The following CEP78 variants were observed in gnomAD, a reference collection of about 807,000 sequenced individuals.
CEP78 encodes the protein centrosomal protein 78.
CEP78 carries 76 observed loss-of-function variants against 81.2 expected under a neutral mutation model. The observed-to-expected ratio is 0.94, with a 90% CI of 0.78 to 1.13. The LOEUF is 1.13. Among genes scored for constraint, CEP78 ranks in the 50% most tolerant of loss-of-function variants. The pLI is 0.00. For missense variants in CEP78, 918 were observed against 846.8 expected (o/e 1.08, Z -1.04); for synonymous variants, 293 against 301.4 (o/e 0.97, Z 0.29).
rs1204474199 is a variant in CEP78, at chr9:78,276,713, A to G, written c.*5862A>G. ...AATATTATCTAGAAATAAGATTAAC[A>G]AGAGAAATGTAAGGCCTATATAAAT... On this transcript the variant is annotated 3_prime_UTR_variant, in exon 17 of 17. Coordinates refer to ENST00000643273, the MANE Select transcript of CEP78 (RefSeq NM_001330691.3). 1 of 152,024 alleles carries G rather than the reference A, an allele frequency of 6.6e-6. No individual in the cohort carries two copies. The highest frequency in any genetic ancestry group is 1.5e-5 in the Non-Finnish European group (1 of 67,996). The allele number at this position is 152,024 out of a possible 1,614,324, so 9.4% of individuals were successfully genotyped here.
chr9:78,253,422 C>T (rs746411038), intron 10 of CEP78, 145 bp downstream of exon 10: 7 of 620,698 alleles, frequency 1.1e-5, no homozygotes, highest in Middle Eastern at 2.7e-4. Context: ...TGGGTTCTCC[C>T]GGTGCCACAG....
intron 10 of CEP78, 112 bp downstream of exon 10, chr9:78,253,389 A>G (rs1244254012): frequency 2.9e-6 from 2 of 682,172 alleles, no homozygotes; most frequent in East Asian, 5.5e-5. Flanking sequence ...TCCCTCCCTG[A>G]AGTAAATTCT....
In CEP78 at chr9:78,274,622, T is replaced by C. The variant is rs1827764250; in HGVS notation, c.*3771T>C. The C allele has an allele frequency of 6.6e-6, 1 of 152,162 alleles. No individual in the cohort carries two copies. The highest frequency in any genetic ancestry group is 1.5e-5 in the Non-Finnish European group (1 of 68,026). The allele number at this position is 152,162 out of a possible 1,614,324, so 9.4% of individuals were successfully genotyped here. A position where few individuals can be genotyped will look rare whatever the true frequency, so the allele number is the denominator to read the frequency against. On this transcript the variant is annotated 3_prime_UTR_variant, in exon 17 of 17. Coordinates refer to ENST00000643273, the MANE Select transcript of CEP78 (RefSeq NM_001330691.3). ...TCCTGGAAAACCAATAGAACATTCA[T>C]ATAAATGATTCCTATGAAGGTAAAA...
chr9:78,264,829 G>T (rs1420082287), intron 13 of CEP78, among the ~76,000 whole-genome samples: 3 of 152,140 alleles, frequency 2.0e-5, no homozygotes, highest in Non-Finnish European at 4.4e-5. Context: ...TATTAAAATT[G>T]TTATTAATCT....
chr9:78,250,150 G>T (rs901294246), intron 8 of CEP78: 2 of 396,956 alleles, frequency 5.0e-6, no homozygotes, highest in Non-Finnish European at 8.9e-6. Flanking sequence ...TTCTTAGCAT[G>T]ATTAAAGAAA....
Position 78,236,416 on chromosome 9 carries a change from G to A in CEP78, c.66G>A (p.Leu22=). 6.2e-7 allele frequency: 1 copy of A among 1,600,120 alleles called. No individual in the cohort carries two copies. Among genetic ancestry groups the A allele is most frequent in the Non-Finnish European group, 8.5e-7 (1 of 1,173,854 alleles). The stretch of plus-strand genomic sequence containing the variant: ...ACTTCTTCTCCCACTACGAGTACCT[G>A]TGCGCGCTGCAGAACTCGGTGCCGC... ...AADFFSHYEY[L]CALQNSVPLP... The change falls in exon 1 of 17, where the codon CTG becomes CTA. Residue 22 remains leucine, a synonymous_variant. Transcript: ENST00000643273.
At chr9:78,243,681 AT>A in intron 5 of CEP78, 45 bp downstream of exon 5, 1 of 1,516,882 alleles carries the variant, frequency 6.6e-7, no homozygotes, top group Non-Finnish European at 9.1e-7. Flanking sequence ...GAATTTTTTG[AT>A]ATTAAATATG....
At position 78,243,665 on chromosome 9, in the gene CEP78, A is replaced by G. The variant is rs778124118; in HGVS notation, c.778+29A>G. ...AGTTAAATGAACTTGTAAGGTGGAA[A>G]ATATTGAATTTTTTGATATTAAATA... On this transcript the variant is annotated intron_variant, in intron 5 of 16. Coordinates refer to ENST00000643273, the MANE Select transcript of CEP78 (RefSeq NM_001330691.3). The G allele has an allele frequency of 6.9e-6, 11 of 1,588,850 alleles. No homozygotes were observed. The Admixed American group carries it at 1.8e-4, about 25-fold the overall frequency.
At chr9:78,238,158 A>G (rs986983387) in intron 1 of CEP78, among the ~76,000 whole-genome samples, 1 of 151,468 alleles carries the variant, frequency 6.6e-6, no homozygotes, top group Non-Finnish European at 1.5e-5. Flanking sequence ...AGGATTTCAG[A>G]TATCTAAGAG....
In CEP78 at chr9:78,248,836, AG is replaced by A; in HGVS notation, c.1034del (p.Gly345GlufsTer20). ...AKQKRRTIILGSGHKGKATIR... is the reference protein window; with the variant it reads ...AKQKRRTIILXSGHKGKATIR... Reference sequence around the variant, plus strand: ...AACAGAAAAGGAGAACTATAATTCTAGGAAGTGGTCACAAAGGAAAAGCTAC... The same window carrying A: ...AACAGAAAAGGAGAACTATAATTCTAGAAGTGGTCACAAAGGAAAAGCTAC... On this transcript the variant is annotated frameshift_variant, in exon 8 of 17. Coordinates refer to ENST00000643273, the MANE Select transcript of CEP78 (RefSeq NM_001330691.3). LOFTEE classifies it high-confidence loss of function. The A allele has an allele frequency of 1.3e-6, 2 of 1,595,808 alleles. No individual in the cohort carries two copies. Among genetic ancestry groups the A allele is most frequent in the Non-Finnish European group, 1.7e-6 (2 of 1,171,686 alleles).
At chr9:78,246,321 C>T (rs34431251) in intron 5 of CEP78, among the ~76,000 whole-genome samples, 85 of 152,042 alleles carry the variant, frequency 5.6e-4, no homozygotes, top group Admixed American at 1.6e-3. Context: ...TAGAATTGGC[C>T]GGGCGAGGTG....
chr9:78,237,880 G>C (rs111345033), intron 1 of CEP78, among the ~76,000 whole-genome samples: 1 of 150,544 alleles, frequency 6.6e-6, no homozygotes, highest in Admixed American at 6.6e-5. Flanking sequence ...AAGGCGGGGG[G>C]GTGTGGATCA....
At position 78,278,145 on chromosome 9, in the gene CEP78, T is replaced by G. The variant is rs906153146; in HGVS notation, c.*7294T>G. The G allele has an allele frequency of 2.6e-5, 4 of 152,148 alleles. No individual in the cohort carries two copies. The highest frequency in any genetic ancestry group is 5.9e-5 in the Non-Finnish European group (4 of 68,004). The allele number at this position is 152,148 out of a possible 1,614,324, so 9.4% of individuals were successfully genotyped here. A position where few individuals can be genotyped will look rare whatever the true frequency, so the allele number is the denominator to read the frequency against. The stretch of plus-strand genomic sequence containing the variant: ...CATTTTACTCCATTTAATTCTAGGT[T>G]GTTTGGTTTAAAAAAAAAGTTTTTA... On this transcript the variant is annotated 3_prime_UTR_variant, in exon 17 of 17. Coordinates refer to ENST00000643273, the MANE Select transcript of CEP78 (RefSeq NM_001330691.3).
At chr9:78,268,837 T>C (rs1827629151) in intron 16 of CEP78, among the ~76,000 whole-genome samples, 1 of 152,098 alleles carries the variant, frequency 6.6e-6, no homozygotes, top group African/African-American at 2.4e-5. Flanking sequence ...TTTGTATTTT[T>C]CGTAGAGACG....
intron 4 of CEP78, among the ~76,000 whole-genome samples, chr9:78,243,012 A>C (rs994115101): frequency 2.6e-5 from 4 of 152,180 alleles, no homozygotes; most frequent in Non-Finnish European, 4.4e-5. Context: ...ATATGTATAT[A>C]GAAATTCCTG....
Position 78,264,450 on chromosome 9 carries a change from A to T in CEP78, c.1625+134A>T, listed in dbSNP as rs538793147. The T allele has an allele frequency of 2.1e-4, 127 of 618,720 alleles. 1 individual carries two copies. In the African/African-American group the frequency reaches 2.3e-3, roughly 11 times the overall value. The allele number at this position is 618,720 out of a possible 1,614,324, so 38.3% of individuals were successfully genotyped here. Reference sequence around the variant, plus strand: ...TTATAAGTAATACACTTGATTTTTTAAATGTGGAATTAATTTTAAAAGAAA... The same window carrying T: ...TTATAAGTAATACACTTGATTTTTTTAATGTGGAATTAATTTTAAAAGAAA... On this transcript the variant is annotated intron_variant, in intron 13 of 16. Transcript: ENST00000643273.
chr9:78,265,611 A>G (rs1827490202), intron 14 of CEP78, 68 bp downstream of exon 14: 1 of 1,388,634 alleles, frequency 7.2e-7, no homozygotes, highest in East Asian at 2.5e-5. Context: ...ACTAAGTCAG[A>G]GAGAAAAGAA....
At position 78,274,827 on chromosome 9, in the gene CEP78, T is replaced by G. The variant is rs1827768607; in HGVS notation, c.*3976T>G. 1 of 152,210 alleles carries G rather than the reference T, an allele frequency of 6.6e-6. No individual in the cohort carries two copies. The highest frequency in any genetic ancestry group is 1.5e-5 in the Non-Finnish European group (1 of 68,036). 9.4% of individuals were successfully genotyped at this position (152,210 alleles called of 1,614,324 possible). On this transcript the variant is annotated 3_prime_UTR_variant, in exon 17 of 17. Coordinates refer to ENST00000643273, the MANE Select transcript of CEP78 (RefSeq NM_001330691.3). ...AAAAACTTCTCTAAAGCTGAGGAAT[T>G]CTACCAAAGAGGTGTTAGAGGAAAT... is the stretch of plus-strand genomic sequence containing the variant.
At chr9:78,241,402 C>G (rs2118135920) in intron 3 of CEP78, among the ~76,000 whole-genome samples, 1 of 152,112 alleles carries the variant, frequency 6.6e-6, no homozygotes, top group East Asian at 1.9e-4. Flanking sequence ...GTTTTTCTTT[C>G]AGATGTCTCA....
Sources: allele counts gnomAD v4.1 joint callset (sites outside exome capture counted in the v4.1 genomes callset), GRCh38; gene constraint gnomAD v4.1.1; transcripts MANE v1.5; gene names NCBI Gene and HGNC (gene_info 2026-07-23, HGNC 2026-07-21).